The following RBFOX1 variants were observed in gnomAD, a reference collection of about 807,000 sequenced individuals.
RBFOX1 encodes the protein RNA binding protein fox-1 homolog 1.
In RBFOX1, 8 loss-of-function variants were observed where a neutral mutation model predicts 57.7. The observed-to-expected ratio is 0.14, with a 90% CI of 0.08 to 0.25. The LOEUF (loss-of-function observed/expected upper bound fraction) is 0.25, where lower values mean the gene tolerates loss of function less well. RBFOX1 is among the 10% of genes least tolerant of loss of function. The probability of loss-of-function intolerance (pLI) is 1.00; values close to 1 mark genes in which losing one functional copy is unlikely to be tolerated. For missense variants in RBFOX1, 611 were observed against 548.5 expected, an observed-to-expected ratio of 1.11 and a Z score of -1.14; for synonymous variants, 326 against 222.4, an observed-to-expected ratio of 1.47 and a Z score of -4.15.
rs183859577 is a variant in RBFOX1, at chr16:7,705,381, T to A, written c.996-3675T>A. Among the ~76,000 whole-genome samples the A allele has an allele frequency of 4.6e-3, 702 of 152,184 alleles. 7 individuals carry two copies. Among genetic ancestry groups the A allele is most frequent in the Non-Finnish European group, 3.9e-3 (265 of 68,006 alleles). On this transcript the variant is annotated intron_variant, in intron 14 of 15. Transcript: ENST00000550418. ...TTAGCTGGGTGTGGTGGCAGGTACC[T>A]GTAGTCCCAGCTATTCGGGAGGCTG...
intron 2 of RBFOX1, among the ~76,000 whole-genome samples, chr16:6,461,276 T>TA: frequency 6.6e-6 from 1 of 152,054 alleles, no homozygotes; most frequent in Non-Finnish European, 1.5e-5. Context: ...AATTAAATTT[T>TA]AAAAAAAGAA....
intron 4 of RBFOX1, among the ~76,000 whole-genome samples, chr16:7,453,261 A>T (rs1326100208): frequency 6.6e-6 from 1 of 152,066 alleles, no homozygotes; most frequent in African/African-American, 2.4e-5. Flanking sequence ...GTATGAGAGT[A>T]GCATTCCAGG....
chr16:6,361,487 G>T (rs1253682578), intron 2 of RBFOX1, among the ~76,000 whole-genome samples: 1 of 152,040 alleles, frequency 6.6e-6, no homozygotes, highest in Non-Finnish European at 1.5e-5. Context: ...AATTAGCCTG[G>T]TGTGGTGGCT....
At chr16:6,000,845 G>A (rs936608036) in intron 4 of RBFOX1, among the ~76,000 whole-genome samples, 7 of 142,842 alleles carry the variant, frequency 4.9e-5, no homozygotes, top group African/African-American at 1.8e-4. Flanking sequence ...GGGTGGGTAG[G>A]TGGGTGGACA....
chr16:6,255,322 T>G (rs1484972605), intron 1 of RBFOX1, among the ~76,000 whole-genome samples: 1 of 152,136 alleles, frequency 6.6e-6, no homozygotes, highest in Non-Finnish European at 1.5e-5. Flanking sequence ...CAGGTTCACT[T>G]GGGGCCCTTT....
At chr16:7,439,006 G>A (rs896414955) in intron 4 of RBFOX1, among the ~76,000 whole-genome samples, 4 of 152,320 alleles carry the variant, frequency 2.6e-5, no homozygotes, top group East Asian at 3.9e-4. Flanking sequence ...GGCAGGTCGC[G>A]CTGTGGTGGA....
intron 4 of RBFOX1, among the ~76,000 whole-genome samples, chr16:7,227,760 A>C (rs2093238117): frequency 6.6e-6 from 1 of 151,988 alleles, no homozygotes; most frequent in South Asian, 2.1e-4. Flanking sequence ...GCACCCTGGA[A>C]TCTCTCCCTT....
intron 3 of RBFOX1, among the ~76,000 whole-genome samples, chr16:6,772,642 T>TTG (rs147036966): frequency 0.057 from 7,996 of 139,688 alleles, 681 homozygotes; most frequent in African/African-American, 0.2. Flanking sequence ...TGGGGTGCAT[T>TTG]TGTGTGTGTG....
chr16:7,442,924 C>G (rs2098780220), intron 4 of RBFOX1, among the ~76,000 whole-genome samples: 1 of 152,148 alleles, frequency 6.6e-6, no homozygotes, highest in South Asian at 2.1e-4. Context: ...TTGCCTGTTC[C>G]TGACTAATGA....
At chr16:5,479,573 A>G (rs2069450338) in intron 2 of RBFOX1, among the ~76,000 whole-genome samples, 1 of 152,096 alleles carries the variant, frequency 6.6e-6, no homozygotes, top group African/African-American at 2.4e-5. Flanking sequence ...AGCCTGGCCA[A>G]CATGGTAAAA....
intron 2 of RBFOX1, among the ~76,000 whole-genome samples, chr16:5,533,437 G>A (rs2044565936): frequency 6.6e-6 from 1 of 152,168 alleles, no homozygotes; most frequent in Non-Finnish European, 1.5e-5. Context: ...ATGAGTTGCA[G>A]GCACACTGAG....
intron 2 of RBFOX1, among the ~76,000 whole-genome samples, chr16:6,545,240 T>TA (rs1160217573): frequency 2.0e-5 from 3 of 152,326 alleles, no homozygotes; most frequent in Non-Finnish European, 4.4e-5. Flanking sequence ...AATCTTTTTG[T>TA]AATAGGTTGA....
intron 4 of RBFOX1, among the ~76,000 whole-genome samples, chr16:7,084,889 T>C (rs1156352068): frequency 6.6e-6 from 1 of 152,110 alleles, no homozygotes; most frequent in East Asian, 1.9e-4. Context: ...CTATCTTCTA[T>C]CCGTTTGTCC....
Position 6,235,784 on chromosome 16 carries a change from A to T in RBFOX1, c.-126-81211A>T, listed in dbSNP as rs2097501440. Among the ~76,000 whole-genome samples the T allele has an allele frequency of 2.0e-5, 3 of 152,242 alleles. 1 individual carries two copies. The South Asian group carries it at 6.2e-4, about 32-fold the overall frequency. Reference sequence around the variant, plus strand: ...GGAAAACCAAACGTGGTATGTTCTCACGCATAGTGGGAGCTAAGCTACGAG... The same window carrying T: ...GGAAAACCAAACGTGGTATGTTCTCTCGCATAGTGGGAGCTAAGCTACGAG... On this transcript the variant is annotated intron_variant, in intron 1 of 15. Coordinates refer to ENST00000550418, the MANE Select transcript of RBFOX1 (RefSeq NM_018723.4).
chr16:7,090,738 C>A, intron 4 of RBFOX1, among the ~76,000 whole-genome samples: 1 of 152,268 alleles, frequency 6.6e-6, no homozygotes, highest in African/African-American at 2.4e-5. Context: ...TTTTGATTCA[C>A]CAAACTTGGC....
At position 7,175,366 on chromosome 16, in the gene RBFOX1, C is replaced by G. The variant is rs116468032; in HGVS notation, c.27+123268C>G. 3.4e-3 allele frequency among the ~76,000 whole-genome samples: 511 copies of G among 152,238 alleles called. 4 individuals are homozygous for G. Among genetic ancestry groups the G allele is most frequent in the African/African-American group, 0.012 (491 of 41,536 alleles). On this transcript the variant is annotated intron_variant, in intron 4 of 15. Coordinates refer to ENST00000550418, the MANE Select transcript of RBFOX1 (RefSeq NM_018723.4). ...TCTCAGTGAATCTTGAGGAATCTTACATTACTACCTATAATTTCCTTTCCC... is the reference window on the plus strand; with the variant it reads ...TCTCAGTGAATCTTGAGGAATCTTAGATTACTACCTATAATTTCCTTTCCC...
Position 6,391,960 on chromosome 16 carries a change from T to G in RBFOX1, c.-64+74903T>G, listed in dbSNP as rs906125500. Among the ~76,000 whole-genome samples the G allele has an allele frequency of 3.9e-5, 6 of 152,292 alleles. No individual in the cohort carries two copies. The East Asian group carries it at 7.7e-4, about 20-fold the overall frequency. On this transcript the variant is annotated intron_variant, in intron 2 of 15. Transcript: ENST00000550418. ...TCTTTCAGAGAAAGTCAGGGAAGAT[T>G]GCTCAGAGGCTGTAAAAGCTTTTGA...
At position 7,217,193 on chromosome 16, in the gene RBFOX1, C is replaced by T. The variant is rs1166117437; in HGVS notation, c.27+165095C>T. On this transcript the variant is annotated intron_variant, in intron 4 of 15. Coordinates refer to ENST00000550418, the MANE Select transcript of RBFOX1 (RefSeq NM_018723.4). ...AATCTCAGCTCACTGCAACCTCCGC[C>T]TTCCGGATTGAAGAGATTCTCCTCC... Among the ~76,000 whole-genome samples the T allele has an allele frequency of 2.6e-5, 4 of 151,330 alleles. No homozygotes were observed. In the East Asian group the frequency reaches 5.8e-4, roughly 22 times the overall value.
chr16:5,883,256 C>G (rs1272451414), intron 4 of RBFOX1, among the ~76,000 whole-genome samples: 1 of 152,114 alleles, frequency 6.6e-6, no homozygotes, highest in East Asian at 1.9e-4. Flanking sequence ...GATTTTAAAA[C>G]ACATTTATAT....
Sources: gnomAD v4.1 joint callset for allele counts (sites outside exome capture counted in the v4.1 genomes callset) on GRCh38, gnomAD v4.1.1 for gene constraint, MANE v1.5 for transcripts, NCBI Gene and HGNC (gene_info 2026-07-23, HGNC 2026-07-21) for gene names.